Variants in DNAH17 observed in about 807,000 individuals in gnomAD.
DNAH17 encodes dynein axonemal heavy chain 17, also known as axonemal beta dynein heavy chain 17.
In DNAH17, 376 loss-of-function variants were observed where a neutral mutation model predicts 485.6. The ratio of observed to expected loss-of-function variants is 0.77; its 90% CI spans 0.71 to 0.84. DNAH17 has a LOEUF of 0.84. Ranked by LOEUF, DNAH17 falls within the 40% of genes least tolerant of loss-of-function variation. The probability of loss-of-function intolerance (pLI) is 0.00; values close to 1 mark genes in which losing one functional copy is unlikely to be tolerated. For missense variants in DNAH17, 6,370 were observed against 5,839.3 expected (o/e 1.09, Z -2.96); for synonymous variants, 3,031 against 2,405.9 (o/e 1.26, Z -7.60).
At chr17:78,575,177 G>A in intron 1 of DNAH17, 95 bp from the exon 2 acceptor site, 1 of 875,028 alleles carries the variant, frequency 1.1e-6, no homozygotes, top group Non-Finnish European at 1.7e-6. Flanking sequence ...GTTTCTACCG[G>A]AGCAGGAACA....
chr17:78,429,428 G>A (rs1270202594), intron 75 of DNAH17, 128 bp from the exon 76 acceptor site: 4 of 1,053,862 alleles, frequency 3.8e-6, no homozygotes, highest in Non-Finnish European at 5.4e-6. Flanking sequence ...CGCCCTCCAG[G>A]TCAGCCTCCT....
At chr17:78,434,565 A>C (rs893590482) in intron 74 of DNAH17, among the ~76,000 whole-genome samples, 4 of 151,876 alleles carry the variant, frequency 2.6e-5, no homozygotes, top group Non-Finnish European at 5.9e-5. Context: ...GTAATTATCA[A>C]CATTCCTCAT....
In DNAH17 at chr17:78,539,817, T is replaced by C. The variant is rs376928074; in HGVS notation, c.2596A>G (p.Ile866Val). Residue 866 changes from isoleucine to valine, a missense_variant, in exon 18 of 81, where the codon ATT (isoleucine) becomes GTT (valine). By Grantham distance (29) the Ile-to-Val change is conservative. Coordinates refer to ENST00000389840, the MANE Select transcript of DNAH17 (RefSeq NM_173628.4). ...AATTCATCTAAGACCATGTCGTCAA[T>C]GTAGATGACATAATCCTTCCAGGGC... ...SLPWKDYVIY[I>V]DDMVLDEFDQ... 5 of 1,611,818 alleles carry C rather than the reference T, an allele frequency of 3.1e-6. No individual in the cohort carries two copies. Among genetic ancestry groups the C allele is most frequent in the Middle Eastern group, 3.3e-4 (2 of 6,082 alleles).
At position 78,530,487 on chromosome 17, in the gene DNAH17, T is replaced by C. The variant is rs765261305; in HGVS notation, c.3140A>G (p.Glu1047Gly). The change falls in exon 21 of 81, where the codon GAG becomes GGG. Residue 1047 changes from glutamate (E) to glycine (G), a missense_variant. Coordinates refer to ENST00000389840, the MANE Select transcript of DNAH17 (RefSeq NM_173628.4). ...GGTGTTCTCGCACTTGGACACCTCCTCATACAGCTTCTCGTAGGAGTCGAT... is the reference window on the plus strand; with the variant it reads ...GGTGTTCTCGCACTTGGACACCTCCCCATACAGCTTCTCGTAGGAGTCGAT... ...EQIDSYEKLY[E>G]EVSKCENTKV... 1 of 1,610,376 alleles carries C rather than the reference T, an allele frequency of 6.2e-7. No homozygotes were observed. The highest frequency in any genetic ancestry group is 8.5e-7 in the Non-Finnish European group (1 of 1,177,320).
chr17:78,437,631 G>T lies in DNAH17; in HGVS notation c.12033+10C>A. On this transcript the variant is annotated intron_variant, in intron 74 of 80. Transcript: ENST00000389840. The stretch of plus-strand genomic sequence containing the variant: ...GGATGGGGAGGCAGCCCGAGCAGGC[G>T]TGGCCCTACCTGGGTGAACAGGTCC... 6.3e-7 allele frequency: 1 copy of T among 1,597,006 alleles called. No homozygotes were observed. The highest frequency in any genetic ancestry group is 1.7e-5 in the Admixed American group (1 of 58,826).
At chr17:78,491,342 C>A in intron 43 of DNAH17, 101 bp downstream of exon 43, 1 of 1,479,586 alleles carries the variant, frequency 6.8e-7, no homozygotes, top group Non-Finnish European at 9.1e-7. Context: ...CTGCGCCAAG[C>A]CTGGCATGCA....
chr17:78,459,042 C>T lies in DNAH17; in HGVS notation c.9820G>A (p.Glu3274Lys), dbSNP rs757440742. 5 of 1,614,074 alleles carry T rather than the reference C, an allele frequency of 3.1e-6. No homozygotes were observed. The Admixed American group carries it at 8.3e-5, about 27-fold the overall frequency. The change falls in exon 61 of 81, where the codon GAG becomes AAG. Residue 3274 changes from glutamate to lysine, a missense_variant. Transcript: ENST00000389840. ...ATCCGGGACAGCTTCTCTTGTGCCT[C>T]TGCCAGCTCTGCATTAGCCTCCTCC... ...ALEEANAELA[E>K]AQEKLSRIKN...
chr17:78,460,792 G>C (rs1224338784), intron 58 of DNAH17, among the ~76,000 whole-genome samples: 5 of 152,142 alleles, frequency 3.3e-5, no homozygotes, highest in Admixed American at 2.0e-4. Context: ...TTCTGGGGCT[G>C]TTTCATAATC....
At position 78,484,895 on chromosome 17, in the gene DNAH17, A is replaced by C; in HGVS notation, c.7622T>G (p.Ile2541Ser). 3.2e-6 allele frequency: 5 copies of C among 1,582,760 alleles called. No homozygotes were observed. Among genetic ancestry groups the C allele is most frequent in the Non-Finnish European group, 4.3e-6 (5 of 1,164,260 alleles). Residue 2541 changes from isoleucine (I) to serine (S), a missense_variant, in exon 48 of 81, where the codon ATC (isoleucine) becomes AGC (serine). Transcript: ENST00000389840. ...KYGTVAPHTL[I>S]RQHMDHRHWY... ...GTGCCGGTGGTCCATGTGCTGCCGG[A>C]TGAGGGTGTGCGGGGCCACCGTCCC...
Position 78,445,659 on chromosome 17 carries a change from G to C in DNAH17, c.11233C>G (p.Leu3745Val). Residue 3745 changes from leucine to valine, a missense_variant, in exon 70 of 81, where the codon CTG becomes GTG. Transcript: ENST00000389840. ...AGGAAATCCAGCTCCACTGGGTTCA[G>C]CTCCTTCTTCATGGACAGGACCTGG... ...TFQVLSMKKE[L>V]NPVELDFLLR... The C allele has an allele frequency of 6.3e-7, 1 of 1,582,268 alleles. No individual in the cohort carries two copies. The highest frequency in any genetic ancestry group is 8.6e-7 in the Non-Finnish European group (1 of 1,164,284).
intron 14 of DNAH17, among the ~76,000 whole-genome samples, chr17:78,555,519 G>A (rs756092929): frequency 2.3e-5 from 3 of 131,812 alleles, no homozygotes; most frequent in East Asian, 2.3e-4. Context: ...CACGGCTGCC[G>A]GGGAGAGGAG....
rs2090233878 is a variant in DNAH17, at chr17:78,500,309, T to TA, written c.5635dup (p.Tyr1879LeufsTer21). 6.2e-7 allele frequency: 1 copy of TA among 1,611,164 alleles called. No individual in the cohort carries two copies. Among genetic ancestry groups the TA allele is most frequent in the South Asian group, 1.1e-5 (1 of 90,654 alleles). On this transcript the variant is annotated frameshift_variant, in exon 36 of 81. Coordinates refer to ENST00000389840, the MANE Select transcript of DNAH17 (RefSeq NM_173628.4). LOFTEE classifies it high-confidence loss of function. The stretch of plus-strand genomic sequence containing the variant: ...CTCCGGACCCCGGCCGCGTACCTTG[T>TA]AGTCCATCTGCTCGGAGCAGTTGAA...
chr17:78,475,678 G>T lies in DNAH17; in HGVS notation c.8310C>A (p.Val2770=). ...VLDSYNEVNA[V]MNLVLFEDAV... is the part of the protein sequence containing the mutation. ...GCTCCAGCCTGCTCACCAAATTCAT[G>T]ACTGCATTAACTTCATTGTAGCTGT... is the stretch of plus-strand genomic sequence containing the variant. Residue 2770 remains valine, a synonymous_variant, in exon 53 of 81, where the codon GTC becomes GTA. Transcript: ENST00000389840. The T allele has an allele frequency of 6.2e-7, 1 of 1,613,580 alleles. No individual in the cohort carries two copies. Among genetic ancestry groups the T allele is most frequent in the South Asian group, 1.1e-5 (1 of 90,954 alleles).
At chr17:78,469,911 G>A (rs2088665551) in intron 54 of DNAH17, among the ~76,000 whole-genome samples, 1 of 152,100 alleles carries the variant, frequency 6.6e-6, no homozygotes, top group Non-Finnish European at 1.5e-5. Context: ...GTTGCCAGGG[G>A]CGGGGCTGGG....
At chr17:78,523,187 A>AC (rs1473732908) in intron 25 of DNAH17, among the ~76,000 whole-genome samples, 3 of 139,420 alleles carry the variant, frequency 2.2e-5, no homozygotes, top group Non-Finnish European at 4.6e-5. Context: ...ATGGAGTCTC[A>AC]CTCTGTCCCC....
intron 31 of DNAH17, among the ~76,000 whole-genome samples, chr17:78,504,351 T>G (rs1406669349): frequency 6.6e-6 from 1 of 152,076 alleles, no homozygotes; most frequent in Non-Finnish European, 1.5e-5. Flanking sequence ...TGGCATGAGC[T>G]ACCGCGCCCG....
intron 37 of DNAH17, among the ~76,000 whole-genome samples, chr17:78,497,668 C>A (rs368922447): frequency 6.6e-6 from 1 of 152,218 alleles, no homozygotes; most frequent in African/African-American, 2.4e-5. Context: ...GCCTCCAGCC[C>A]TGGGGCTGGG....
At chr17:78,444,886 C>T in intron 70 of DNAH17, 89 bp from the exon 71 acceptor site, 1 of 1,294,928 alleles carries the variant, frequency 7.7e-7, no homozygotes, top group Non-Finnish European at 1.0e-6. Context: ...GGAGGAGAGG[C>T]CATTACCCTC....
At chr17:78,570,814 C>T (rs530143112) in intron 6 of DNAH17, 134 bp downstream of exon 6, 154 of 641,210 alleles carry the variant, frequency 2.4e-4, no homozygotes, top group Non-Finnish European at 3.3e-4. Flanking sequence ...GCCGAGATCG[C>T]GCCACAGCAC....
Sources: allele counts gnomAD v4.1 joint callset (sites outside exome capture counted in the v4.1 genomes callset), GRCh38; gene constraint gnomAD v4.1.1; transcripts MANE v1.5; gene names NCBI Gene and HGNC (gene_info 2026-07-23, HGNC 2026-07-21).